The following ACTR3C variants were observed in gnomAD, a reference collection of about 807,000 sequenced individuals.
ACTR3C encodes actin related protein 3C, also known as actin-related protein 3C.
In ACTR3C, 18 loss-of-function variants were observed where a neutral mutation model predicts 26.3. That is an observed-to-expected ratio of 0.68 (90% confidence interval 0.47 to 1.01). The LOEUF (loss-of-function observed/expected upper bound fraction) is 1.01, where lower values mean the gene tolerates loss of function less well. ACTR3C is among the 50% of genes least tolerant of loss of function. ACTR3C has a pLI of 0.00. For synonymous variants in ACTR3C, 55 were observed against 94.5 expected (o/e 0.58, Z 2.42); for missense variants, 184 against 250.7 (o/e 0.73, Z 1.80).
the ACTR3C span, among the ~76,000 whole-genome samples, chr7:149,981,598 C>T: frequency 3.3e-5 from 5 of 149,716 alleles, no homozygotes; most frequent in Non-Finnish European, 7.5e-5. Flanking sequence ...CTCTGTTTAC[C>T]ATGAGCTGAT....
chr7:150,239,540 C>CTCTCTATA (rs1317088405), downstream of ACTR3C, among the ~76,000 whole-genome samples: 15 of 90,200 alleles, frequency 1.7e-4, no homozygotes, highest in East Asian at 3.3e-4. Flanking sequence ...CTCTCTCTCT[C>CTCTCTATA]TATATATATA....
At chr7:149,966,439 T>C in the ACTR3C span, among the ~76,000 whole-genome samples, 1 of 152,176 alleles carries the variant, frequency 6.6e-6, no homozygotes, top group Admixed American at 6.5e-5. Flanking sequence ...CTCAAGAAGG[T>C]CTTTAAAAGA....
the ACTR3C span, among the ~76,000 whole-genome samples, chr7:150,116,246 AT>A: frequency 2.0e-5 from 3 of 152,312 alleles, no homozygotes; most frequent in South Asian, 6.2e-4. Context: ...CATAGGATTC[AT>A]TTTTTATGCA....
chr7:150,209,238 C>G, the ACTR3C span, among the ~76,000 whole-genome samples: 1 of 142,066 alleles, frequency 7.0e-6, no homozygotes, highest in Non-Finnish European at 1.5e-5. Context: ...GATACAGAAA[C>G]AGAGAGAGAC....
chr7:150,059,354 A>G, the ACTR3C span, among the ~76,000 whole-genome samples: 1 of 152,186 alleles, frequency 6.6e-6, no homozygotes, highest in African/African-American at 2.4e-5. Flanking sequence ...GAAAATCATC[A>G]AGCCTTCCCA....
At chr7:149,910,692 T>A in the ACTR3C span, among the ~76,000 whole-genome samples, 2 of 152,172 alleles carry the variant, frequency 1.3e-5, no homozygotes, top group African/African-American at 2.4e-5. Context: ...CATTCAATTT[T>A]AAAAATTATT....
At chr7:150,198,998 T>G in the ACTR3C span, among the ~76,000 whole-genome samples, 1 of 111,118 alleles carries the variant, frequency 9.0e-6, no homozygotes, top group African/African-American at 4.2e-5. Flanking sequence ...TCAGCCCCCC[T>G]GCCCGGCCAG....
At chr7:150,048,680 C>T in the ACTR3C span, among the ~76,000 whole-genome samples, 12 of 152,086 alleles carry the variant, frequency 7.9e-5, no homozygotes, top group African/African-American at 2.9e-4. Context: ...CCGGGCTCCC[C>T]GCGCCCCCAG....
the ACTR3C span, among the ~76,000 whole-genome samples, chr7:149,959,232 C>T: frequency 4.0e-5 from 6 of 150,234 alleles, no homozygotes; most frequent in Non-Finnish European, 5.9e-5. Flanking sequence ...GCCCCCCACC[C>T]CCACAATCTC....
At chr7:150,216,750 G>T in the ACTR3C span, among the ~76,000 whole-genome samples, 6 of 151,852 alleles carry the variant, frequency 4.0e-5, no homozygotes, top group African/African-American at 1.2e-4. Flanking sequence ...AATTTGGGAG[G>T]CCCAGGTGGG....
the ACTR3C span, among the ~76,000 whole-genome samples, chr7:150,016,739 C>T: frequency 6.6e-6 from 1 of 152,028 alleles, no homozygotes; most frequent in South Asian, 2.1e-4. Context: ...AGACCCAAGG[C>T]TTATATACCA....
the ACTR3C span, among the ~76,000 whole-genome samples, chr7:150,026,058 T>A: frequency 1.3e-5 from 2 of 152,090 alleles, no homozygotes; most frequent in Admixed American, 1.3e-4. Flanking sequence ...ACAAGGTTAT[T>A]CCGGGGATAA....
chr7:150,040,338 A>G, the ACTR3C span, among the ~76,000 whole-genome samples: 186 of 147,980 alleles, frequency 1.3e-3, 6 homozygotes, highest in Non-Finnish European at 1.7e-3. Flanking sequence ...TCTGACGCAT[A>G]CAATGGAAAA....
chr7:150,162,537 G>A, the ACTR3C span, among the ~76,000 whole-genome samples: 57 of 152,164 alleles, frequency 3.7e-4, no homozygotes, highest in East Asian at 1.4e-3. Context: ...GGCTGGTCTC[G>A]AACTCTTGAC....
chr7:150,077,559 A>G, the ACTR3C span, among the ~76,000 whole-genome samples: 2 of 152,074 alleles, frequency 1.3e-5, no homozygotes, highest in African/African-American at 4.8e-5. Flanking sequence ...AACAGAGACT[A>G]AATATAGCAT....
chr7:149,967,443 A>T, the ACTR3C span, among the ~76,000 whole-genome samples: 1 of 152,166 alleles, frequency 6.6e-6, no homozygotes, highest in Non-Finnish European at 1.5e-5. Flanking sequence ...AAGTGCTGGG[A>T]TTACAGGTGT....
At chr7:150,176,188 G>A in the ACTR3C span, among the ~76,000 whole-genome samples, 2 of 150,852 alleles carry the variant, frequency 1.3e-5, no homozygotes, top group African/African-American at 5.0e-5. Flanking sequence ...TGAATAAAAT[G>A]TTGTCTATAA....
At chr7:150,153,291 C>T in the ACTR3C span, among the ~76,000 whole-genome samples, 81 of 151,994 alleles carry the variant, frequency 5.3e-4, 1 homozygote, top group South Asian at 0.016. Flanking sequence ...AGGCAACCTA[C>T]AGAATGGGAG....
At chr7:149,885,259 G>A in the ACTR3C span, among the ~76,000 whole-genome samples, 1 of 152,280 alleles carries the variant, frequency 6.6e-6, no homozygotes, top group South Asian at 2.1e-4. Flanking sequence ...CCAGACCCTC[G>A]GGAAAGGAGC....
Sources: gnomAD v4.1 joint callset for allele counts (sites outside exome capture counted in the v4.1 genomes callset) on GRCh38, gnomAD v4.1.1 for gene constraint, MANE v1.5 for transcripts, NCBI Gene and HGNC (gene_info 2026-07-23, HGNC 2026-07-21) for gene names.